The following ANO2 variants were observed in gnomAD, a reference collection of about 807,000 sequenced individuals.
ANO2 encodes anoctamin 2.
Under a neutral mutation model 124.2 loss-of-function variants are expected in ANO2, and 101 were observed. The ratio of observed to expected loss-of-function variants is 0.81; its 90% confidence interval spans 0.69 to 0.96. The LOEUF is 0.96. ANO2 is among the 40% of genes least tolerant of loss of function. ANO2 has a pLI of 0.00. For synonymous variants in ANO2, 486 were observed against 482.5 expected (o/e 1.01, Z -0.09); for missense variants, 1,293 against 1,274.5 (o/e 1.01, Z -0.22).
At chr12:5,859,878 T>C (rs1255424965) in intron 3 of ANO2, among the ~76,000 whole-genome samples, 2 of 152,178 alleles carry the variant, frequency 1.3e-5, no homozygotes, top group Non-Finnish European at 1.5e-5. Context: ...TTCCCAGACC[T>C]GTCCTCCACT....
chr12:5,845,717 T>C (rs750901718), intron 4 of ANO2, among the ~76,000 whole-genome samples: 2 of 152,218 alleles, frequency 1.3e-5, no homozygotes, highest in Admixed American at 6.5e-5. Flanking sequence ...AGCGTGGCTT[T>C]GGAGTCAGAC....
intron 10 of ANO2, among the ~76,000 whole-genome samples, chr12:5,781,529 T>TA (rs1952394624): frequency 6.6e-6 from 1 of 152,252 alleles, no homozygotes; most frequent in Non-Finnish European, 1.5e-5. Context: ...TCAGAGAATA[T>TA]AAAAGAACAG....
intron 20 of ANO2, among the ~76,000 whole-genome samples, chr12:5,579,882 T>C (rs886322167): frequency 6.6e-6 from 1 of 152,242 alleles, no homozygotes; most frequent in Non-Finnish European, 1.5e-5. Context: ...TATGCATCCC[T>C]GGGATCACTC....
intron 14 of ANO2, among the ~76,000 whole-genome samples, chr12:5,679,100 T>G (rs1417180265): frequency 6.6e-6 from 1 of 152,084 alleles, no homozygotes; most frequent in Non-Finnish European, 1.5e-5. Context: ...GCAAATTAAG[T>G]AAGAGTCCTT....
chr12:5,803,616 C>A (rs1953109239), intron 9 of ANO2, among the ~76,000 whole-genome samples: 1 of 152,132 alleles, frequency 6.6e-6, no homozygotes, highest in Non-Finnish European at 1.5e-5. Flanking sequence ...GGACACTAGG[C>A]AGCTTTGGCA....
chr12:5,739,728 T>A, intron 12 of ANO2, among the ~76,000 whole-genome samples: 1 of 151,318 alleles, frequency 6.6e-6, no homozygotes, highest in African/African-American at 2.4e-5. Flanking sequence ...AAGGGAGGGG[T>A]CTGCAGGATT....
chr12:5,692,526 T>G (rs762936082), intron 14 of ANO2, among the ~76,000 whole-genome samples: 3 of 152,158 alleles, frequency 2.0e-5, no homozygotes, highest in Non-Finnish European at 2.9e-5. Context: ...CCTTCCCCTA[T>G]GGCCAAGGGC....
chr12:5,615,525 C>T (rs978739649), intron 16 of ANO2, among the ~76,000 whole-genome samples: 2 of 152,128 alleles, frequency 1.3e-5, no homozygotes, highest in Admixed American at 6.5e-5. Flanking sequence ...TGTCTTTCTC[C>T]GTCCACCTTC....
chr12:5,783,596 G>A (rs1044514914), intron 10 of ANO2, among the ~76,000 whole-genome samples: 15 of 152,166 alleles, frequency 9.9e-5, no homozygotes, highest in South Asian at 2.1e-4. Flanking sequence ...TACTCCTGCC[G>A]CTCATTTCAC....
At chr12:5,651,590 T>C (rs893760532) in intron 14 of ANO2, among the ~76,000 whole-genome samples, 2 of 151,854 alleles carry the variant, frequency 1.3e-5, no homozygotes, top group African/African-American at 2.4e-5. Context: ...CTGGCTTCAT[T>C]TTTAATTAAG....
At chr12:5,711,003 A>C (rs1284508104) in intron 14 of ANO2, among the ~76,000 whole-genome samples, 1 of 151,718 alleles carries the variant, frequency 6.6e-6, no homozygotes, top group Non-Finnish European at 1.5e-5. Context: ...CTAAAAATAC[A>C]AAAAATTAGC....
chr12:5,722,267 G>A (rs1950260851), intron 14 of ANO2, among the ~76,000 whole-genome samples: 1 of 152,222 alleles, frequency 6.6e-6, no homozygotes, highest in Admixed American at 6.5e-5. Context: ...AGCACTTTGG[G>A]AGGCTGAGAC....
intron 14 of ANO2, among the ~76,000 whole-genome samples, chr12:5,651,501 A>G (rs372576326): frequency 3.9e-5 from 6 of 152,000 alleles, no homozygotes; most frequent in Admixed American, 3.3e-4. Flanking sequence ...GCTCACTGCA[A>G]CCTCCAACTC....
At chr12:5,567,037 G>T (rs915167959) in intron 23 of ANO2, among the ~76,000 whole-genome samples, 1 of 152,136 alleles carries the variant, frequency 6.6e-6, no homozygotes, top group East Asian at 1.9e-4. Flanking sequence ...AAAAAGAGAC[G>T]CACACACAAA....
At chr12:5,587,998 T>A (rs1943205000) in intron 20 of ANO2, among the ~76,000 whole-genome samples, 1 of 152,184 alleles carries the variant, frequency 6.6e-6, no homozygotes, top group Admixed American at 6.5e-5. Context: ...AGGCCCAGAG[T>A]GGGCTCAGCG....
rs540593775 is a variant in ANO2, at chr12:5,893,183, A to G, written c.534+27857T>C. Among the ~76,000 whole-genome samples the G allele has an allele frequency of 7.9e-5, 12 of 152,322 alleles. 1 individual carries two copies. Among genetic ancestry groups the G allele is most frequent in the African/African-American group, 2.2e-4 (9 of 41,588 alleles). On this transcript the variant is annotated intron_variant, in intron 3 of 24. Transcript: ENST00000682330. ...AACTCTTCTGGACATTGGCTTAGGCAAAGAATTCATACTAAGACCCCAAAA... is the reference window on the plus strand; with the variant it reads ...AACTCTTCTGGACATTGGCTTAGGCGAAGAATTCATACTAAGACCCCAAAA...
chr12:5,603,717 G>A (rs914522808), intron 19 of ANO2, among the ~76,000 whole-genome samples: 1 of 152,000 alleles, frequency 6.6e-6, no homozygotes, highest in Non-Finnish European at 1.5e-5. Flanking sequence ...AAGCCGAGGC[G>A]GGCAGATCAC....
In ANO2 at chr12:5,739,389, G is replaced by T; in HGVS notation, c.1362C>A (p.Phe454Leu). The T allele has an allele frequency of 6.2e-7, 1 of 1,601,650 alleles. No individual in the cohort carries two copies. Among genetic ancestry groups the T allele is most frequent in the Non-Finnish European group, 8.5e-7 (1 of 1,174,008 alleles). ...TCTGTAGCCTCTTCCAGTTTTCCAG[G>T]AACATGGTAGCTTAAAAAGAACAAC... ...SIFMALWATM[F>L]LENWKRLQMR... Residue 454 changes from phenylalanine to leucine, a missense_variant, in exon 13 of 25, where the codon TTC (phenylalanine) becomes TTA (leucine). Coordinates refer to ENST00000682330, the MANE Select transcript of ANO2 (RefSeq NM_001364791.2).
chr12:5,703,220 G>C (rs1391637959), intron 14 of ANO2, among the ~76,000 whole-genome samples: 1 of 152,048 alleles, frequency 6.6e-6, no homozygotes, highest in Non-Finnish European at 1.5e-5. Context: ...ACAACATTAA[G>C]AAAAAGAGCA....
Sources: allele counts gnomAD v4.1 joint callset (sites outside exome capture counted in the v4.1 genomes callset), GRCh38; gene constraint gnomAD v4.1.1; transcripts MANE v1.5; gene names NCBI Gene and HGNC (gene_info 2026-07-23, HGNC 2026-07-21).